BFSP1: variants seen among roughly 807,000 people sequenced by gnomAD.
BFSP1 encodes beaded filament structural protein 1, also known as filensin.
BFSP1 carries 38 observed loss-of-function variants against 43.9 expected under a neutral mutation model. The observed-to-expected ratio is 0.87, with a 90% CI of 0.67 to 1.14. The LOEUF is 1.14. Ranked by LOEUF, BFSP1 falls within the 50% of genes most tolerant of loss-of-function variation. BFSP1 has a pLI of 0.00. For synonymous variants in BFSP1, 352 were observed against 354.8 expected, an observed-to-expected ratio of 0.99 and a Z score of 0.09; for missense variants, 850 against 875.1, an observed-to-expected ratio of 0.97 and a Z score of 0.36.
chr20:17,532,698 A>G (rs1281239778), upstream of BFSP1, among the ~76,000 whole-genome samples: 1 of 151,832 alleles, frequency 6.6e-6, no homozygotes, highest in African/African-American at 2.4e-5. Flanking sequence ...TAATAGCTAG[A>G]CTTTGACAAA....
upstream of BFSP1, among the ~76,000 whole-genome samples, chr20:17,562,781 T>C (rs925410320): frequency 1.3e-5 from 2 of 152,222 alleles, no homozygotes; most frequent in Non-Finnish European, 2.9e-5. Flanking sequence ...TGGTACTGTA[T>C]CCTTCCCACA....
Position 17,496,982 on chromosome 20 carries a change from G to A in BFSP1, c.998C>T (p.Thr333Ile), listed in dbSNP as rs2033648054. 2 of 1,544,674 alleles carry A rather than the reference G, an allele frequency of 1.3e-6. No individual in the cohort carries two copies. The highest frequency in any genetic ancestry group is 1.4e-5 in the African/African-American group (1 of 72,608). ...AFIETPIPLFTQSHGVSLSTG... is the reference protein window; with the variant it reads ...AFIETPIPLFIQSHGVSLSTG... ...GCTGAGAGAGACTCCATGGCTCTGG[G>A]TGAACAGGGGAATGGGAGTTTCAAT... The change falls in exon 7 of 8, where the codon ACC becomes ATC. Residue 333 changes from threonine to isoleucine, a missense_variant. Coordinates refer to ENST00000377873, the MANE Select transcript of BFSP1 (RefSeq NM_001195.5).
intron 3 of BFSP1, among the ~76,000 whole-genome samples, chr20:17,513,685 G>A (rs1275118076): frequency 6.6e-6 from 1 of 152,216 alleles, no homozygotes; most frequent in Non-Finnish European, 1.5e-5. Flanking sequence ...TCGTAGTTTG[G>A]GTTTCCCCAG....
At chr20:17,540,562 A>G (rs1188178208) in intron 1 of BFSP1, among the ~76,000 whole-genome samples, 1 of 152,112 alleles carries the variant, frequency 6.6e-6, no homozygotes, top group South Asian at 2.1e-4. Flanking sequence ...ACTAGACTGC[A>G]GCTCTTTGAG....
At chr20:17,499,553 G>A (rs1233917953) in intron 5 of BFSP1, among the ~76,000 whole-genome samples, 6 of 151,786 alleles carry the variant, frequency 4.0e-5, no homozygotes, top group Non-Finnish European at 8.8e-5. Flanking sequence ...AGCCCTTCTT[G>A]CACTAATATC....
intron 2 of BFSP1, chr20:17,517,160 G>T: frequency 1.2e-6 from 1 of 803,804 alleles, no homozygotes; most frequent in South Asian, 1.3e-5. Context: ...AATACTATAA[G>T]GTAGACGAGA....
chr20:17,567,717 C>A (rs892728562), intron 1 of BFSP1, among the ~76,000 whole-genome samples: 2 of 151,864 alleles, frequency 1.3e-5, no homozygotes, highest in African/African-American at 4.8e-5. Context: ...CAAAATTAGC[C>A]GGGTGTGGTG....
At chr20:17,535,158 G>C (rs1397762832), upstream of BFSP1, among the ~76,000 whole-genome samples, 1 of 152,144 alleles carries the variant, frequency 6.6e-6, no homozygotes, top group Non-Finnish European at 1.5e-5. Context: ...ACATAAAATT[G>C]TATCAAGATT....
rs758111496 is a variant in BFSP1, at chr20:17,551,963, C to T, written c.2+6725G>A. ...TCACACCATTGCACTCCAGCCTAGG[C>T]GACAACAGCAAGACTCTCTCTCAAA... On this transcript the variant is annotated intron_variant, in intron 1 of 7. Transcript: ENST00000377868. 1.2e-4 allele frequency among the ~76,000 whole-genome samples: 18 copies of T among 151,496 alleles called. No homozygotes were observed. The East Asian group carries it at 1.7e-3, about 15-fold the overall frequency.
chr20:17,510,601 T>C (rs575406627), intron 4 of BFSP1, among the ~76,000 whole-genome samples: 1 of 152,304 alleles, frequency 6.6e-6, no homozygotes, highest in African/African-American at 2.4e-5. Flanking sequence ...GGTTCAAAAG[T>C]GTCTTCTAAA....
chr20:17,501,214 T>C (rs1274932142), intron 5 of BFSP1, among the ~76,000 whole-genome samples: 1 of 152,260 alleles, frequency 6.6e-6, no homozygotes, highest in African/African-American at 2.4e-5. Flanking sequence ...TCTTCACTTA[T>C]ACACTTTATG....
At chr20:17,521,083 T>C (rs922155304) in intron 2 of BFSP1, among the ~76,000 whole-genome samples, 3 of 152,164 alleles carry the variant, frequency 2.0e-5, no homozygotes, top group African/African-American at 7.2e-5. Flanking sequence ...TCAGGCATCA[T>C]AGCAGACCAG....
intron 6 of BFSP1, among the ~76,000 whole-genome samples, chr20:17,497,443 T>C (rs955918469): frequency 8.5e-5 from 3 of 35,460 alleles, no homozygotes; most frequent in African/African-American, 7.1e-4. Context: ...TATATATACG[T>C]GTATGTATAT....
At chr20:17,516,334 AAT>A (rs1434419632) in intron 2 of BFSP1, among the ~76,000 whole-genome samples, 1 of 152,144 alleles carries the variant, frequency 6.6e-6, no homozygotes, top group Non-Finnish European at 1.5e-5. Flanking sequence ...TCTCAAAAAA[AAT>A]TAATTAATTA....
At chr20:17,548,180 C>CAAAAAAAAA (rs11470598) in intron 1 of BFSP1, among the ~76,000 whole-genome samples, 15 of 119,842 alleles carry the variant, frequency 1.3e-4, no homozygotes, top group East Asian at 5.6e-4. Context: ...GAAAATAATG[C>CAAAAAAAAA]AAAAAAAAAA....
At chr20:17,523,311 C>T (rs2034354301) in intron 2 of BFSP1, among the ~76,000 whole-genome samples, 1 of 152,072 alleles carries the variant, frequency 6.6e-6, no homozygotes, top group South Asian at 2.1e-4. Flanking sequence ...CAGGATGGCA[C>T]TGCGTGAGTG....
At chr20:17,537,640 C>T (rs1366387447) in intron 1 of BFSP1, among the ~76,000 whole-genome samples, 1 of 149,988 alleles carries the variant, frequency 6.7e-6, no homozygotes, top group East Asian at 1.9e-4. Context: ...TGACAGGCAC[C>T]GACAAAAGGC....
At chr20:17,567,855 C>CA (rs2035138322) in intron 1 of BFSP1, among the ~76,000 whole-genome samples, 1 of 128,774 alleles carries the variant, frequency 7.8e-6, no homozygotes, top group African/African-American at 2.9e-5. Context: ...GAGTGAAACT[C>CA]AGTCTCAAAA....
At chr20:17,514,240 T>C (rs2034149640) in intron 3 of BFSP1, among the ~76,000 whole-genome samples, 1 of 152,218 alleles carries the variant, frequency 6.6e-6, no homozygotes, top group African/African-American at 2.4e-5. Flanking sequence ...CTGCAGAATC[T>C]GATTTTTCAA....
Sources: allele counts gnomAD v4.1 joint callset (sites outside exome capture counted in the v4.1 genomes callset), GRCh38; gene constraint gnomAD v4.1.1; transcripts MANE v1.5; gene names NCBI Gene and HGNC (gene_info 2026-07-23, HGNC 2026-07-21).